The following CACNG5 variants were observed in gnomAD, a reference collection of about 807,000 sequenced individuals.
The protein encoded by CACNG5 is calcium voltage-gated channel auxiliary subunit gamma 5.
CACNG5 carries 18 observed loss-of-function variants against 24.8 expected under a neutral mutation model. The ratio of observed to expected loss-of-function variants is 0.73; its 90% CI spans 0.50 to 1.08. CACNG5 has a LOEUF of 1.08. Ranked by LOEUF, CACNG5 falls within the 50% of genes least tolerant of loss-of-function variation. The pLI, the probability that CACNG5 is intolerant of heterozygous loss-of-function variation, is 0.00. For missense variants in CACNG5, 349 were observed against 367.9 expected (o/e 0.95, Z 0.42); for synonymous variants, 157 against 149.1 (o/e 1.05, Z -0.39).
Position 66,877,244 on chromosome 17 carries a change from C to A in CACNG5, c.-89C>A. ...CGTCTTCTCAGAGCCGTGGGTACTG[C>A]CACCTGCTCACCCACTCTCCCTAGC... On this transcript the variant is annotated 5_prime_UTR_variant, in exon 2 of 6. Transcript: ENST00000533854. 1.8e-6 allele frequency: 2 copies of A among 1,119,762 alleles called. No individual in the cohort carries two copies. The highest frequency in any genetic ancestry group is 2.6e-6 in the Non-Finnish European group (2 of 768,858). The allele number at this position is 1,119,762 out of a possible 1,614,324, so 69.4% of individuals were successfully genotyped here.
rs964516436 is a variant in CACNG5 at position 66,886,496 on chromosome 17, T to G, written c.*1256T>G. Among the ~76,000 whole-genome samples, 1 of 152,212 alleles carries G rather than the reference T, an allele frequency of 6.6e-6. No individual in the cohort carries two copies. Among genetic ancestry groups the G allele is most frequent in the Non-Finnish European group, 1.5e-5 (1 of 68,028 alleles). The stretch of plus-strand genomic sequence containing the variant: ...CCCTCCGTAAGTCCACAGAAGCCAC[T>G]GCAAGCCATGCCCCCCTTCAGCTCT... On this transcript the variant is annotated 3_prime_UTR_variant, in exon 6 of 6. Transcript: ENST00000533854.
Position 66,859,049 on chromosome 17 carries a change from C to T in CACNG5, c.-103-18181C>T, listed in dbSNP as rs75502010. ...GGGCTTCCTCACTCGTAGGGACATG[C>T]TCCAACCCAGGCAGCCAGGCGCTCA... On this transcript the variant is annotated intron_variant, in intron 1 of 5. Coordinates refer to ENST00000533854, the MANE Select transcript of CACNG5 (RefSeq NM_145811.3). Among the ~76,000 whole-genome samples, 666 of 152,316 alleles carry T rather than the reference C, an allele frequency of 4.4e-3. 5 individuals carry two copies. The highest frequency in any genetic ancestry group is 0.015 in the African/African-American group (619 of 41,578).
At chr17:66,853,513 G>T (rs1192436831) in intron 1 of CACNG5, among the ~76,000 whole-genome samples, 1 of 152,112 alleles carries the variant, frequency 6.6e-6, no homozygotes, top group Admixed American at 6.5e-5. Flanking sequence ...ATTTAGTATG[G>T]CCAATCTTTT....
At chr17:66,878,011 C>T (rs887970118) in intron 2 of CACNG5, among the ~76,000 whole-genome samples, 2 of 152,216 alleles carry the variant, frequency 1.3e-5, no homozygotes, top group African/African-American at 4.8e-5. Flanking sequence ...TTAGAAAATA[C>T]TTGGCAGTTT....
chr17:66,852,675 G>C (rs34176969), intron 1 of CACNG5, among the ~76,000 whole-genome samples: 21,895 of 152,008 alleles, frequency 0.14, 1,896 homozygotes, highest in East Asian at 0.38. Context: ...CAATCACCTC[G>C]AAAAAGTATC....
At position 66,885,744 on chromosome 17, in the gene CACNG5, A is replaced by T. The variant is rs560542449; in HGVS notation, c.*504A>T. On this transcript the variant is annotated 3_prime_UTR_variant, in exon 6 of 6. Coordinates refer to ENST00000533854, the MANE Select transcript of CACNG5 (RefSeq NM_145811.3). ...ATATAGAGGTCTGGCTGACTTAGAC[A>T]TGTCAAGCTGTCAGTGTTCCTTCTG... 4.6e-5 allele frequency among the ~76,000 whole-genome samples: 7 copies of T among 152,216 alleles called. No homozygotes were observed. The highest frequency in any genetic ancestry group is 1.0e-4 in the Non-Finnish European group (7 of 68,042).
intron 1 of CACNG5, among the ~76,000 whole-genome samples, chr17:66,868,762 C>A (rs1598056304): frequency 6.6e-6 from 1 of 152,238 alleles, no homozygotes; most frequent in East Asian, 1.9e-4. Context: ...CATATTTATT[C>A]TTTGTCTACT....
At position 66,886,061 on chromosome 17, in the gene CACNG5, A is replaced by T. The variant is rs911616465; in HGVS notation, c.*821A>T. On this transcript the variant is annotated 3_prime_UTR_variant, in exon 6 of 6. Coordinates refer to ENST00000533854, the MANE Select transcript of CACNG5 (RefSeq NM_145811.3). The stretch of plus-strand genomic sequence containing the variant: ...CTGATTCTGACAATGAGAATTTTAG[A>T]ATCGGGCTGGTCTGAGTTCCTATTA... 6.6e-6 allele frequency among the ~76,000 whole-genome samples: 1 copy of T among 152,246 alleles called. No homozygotes were observed. Among genetic ancestry groups the T allele is most frequent in the African/African-American group, 2.4e-5 (1 of 41,470 alleles).
rs768550812 is a variant in CACNG5, at chr17:66,891,640, G to GT, written c.*6402dup. Reference sequence around the variant, plus strand: ...TGCCTTTCTGGAAGCAGCCTTTGAAGTTACCTGATGTCATTTCCATCATAA... The same window carrying GT: ...TGCCTTTCTGGAAGCAGCCTTTGAAGTTTACCTGATGTCATTTCCATCATAA... On this transcript the variant is annotated 3_prime_UTR_variant, in exon 6 of 6. Coordinates refer to ENST00000533854, the MANE Select transcript of CACNG5 (RefSeq NM_145811.3). Among the ~76,000 whole-genome samples the GT allele has an allele frequency of 7.2e-5, 11 of 152,206 alleles. No homozygotes were observed. Among genetic ancestry groups the GT allele is most frequent in the Admixed American group, 1.3e-4 (2 of 15,280 alleles).
At chr17:66,861,931 G>A (rs1976866601) in intron 1 of CACNG5, among the ~76,000 whole-genome samples, 1 of 152,236 alleles carries the variant, frequency 6.6e-6, no homozygotes, top group South Asian at 2.1e-4. Flanking sequence ...TCTAAAGGGT[G>A]TTTTGCTTTC....
intron 1 of CACNG5, among the ~76,000 whole-genome samples, chr17:66,851,405 G>A (rs1976708404): frequency 6.6e-6 from 1 of 152,184 alleles, no homozygotes; most frequent in Non-Finnish European, 1.5e-5. Context: ...CTGAAGATGA[G>A]CTCACAATAA....
At chr17:66,866,447 T>G (rs1976931791) in intron 1 of CACNG5, among the ~76,000 whole-genome samples, 1 of 152,184 alleles carries the variant, frequency 6.6e-6, no homozygotes, top group African/African-American at 2.4e-5. Context: ...TTTTATTTTA[T>G]TTTTAAATTT....
At position 66,884,582 on chromosome 17, in the gene CACNG5, C is replaced by T. The variant is rs777646433; in HGVS notation, c.491C>T (p.Thr164Ile). 2 of 1,613,998 alleles carry T rather than the reference C, an allele frequency of 1.2e-6. No homozygotes were observed. The highest frequency in any genetic ancestry group is 1.7e-6 in the Non-Finnish European group (2 of 1,180,026). Reference protein sequence around the residue: ...SSINDEMLNRTKDAETYFNYK... With the variant: ...SSINDEMLNRIKDAETYFNYK... ...ATCAACGATGAGATGCTCAACAGGACCAAGGATGCAGAGACCTACTTCAAC... is the reference window on the plus strand; with the variant it reads ...ATCAACGATGAGATGCTCAACAGGATCAAGGATGCAGAGACCTACTTCAAC... The change falls in exon 5 of 6, where the codon ACC (threonine) becomes ATC (isoleucine). Residue 164 changes from threonine to isoleucine, a missense_variant. Physicochemically the swap from Thr to Ile is moderately conservative, Grantham distance 89. Transcript: ENST00000533854.
chr17:66,878,117 G>C (rs1299906572), intron 2 of CACNG5, among the ~76,000 whole-genome samples: 2 of 152,154 alleles, frequency 1.3e-5, no homozygotes, highest in Non-Finnish European at 2.9e-5. Flanking sequence ...CACTTATCTG[G>C]GCCTACCTTT....
intron 2 of CACNG5, among the ~76,000 whole-genome samples, 183 bp from the exon 3 acceptor site, chr17:66,878,789 G>A (rs7219744): frequency 0.03 from 4,525 of 152,258 alleles, 255 homozygotes; most frequent in African/African-American, 0.1. Context: ...GTCAGGACGT[G>A]CCTCCACCCC....
intron 2 of CACNG5, among the ~76,000 whole-genome samples, chr17:66,877,983 C>A (rs1977107206): frequency 6.6e-6 from 1 of 152,244 alleles, no homozygotes; most frequent in African/African-American, 2.4e-5. Context: ...AGCTTCCTTG[C>A]ATCCACTAGT....
chr17:66,845,042 C>A (rs575594558), intron 1 of CACNG5, among the ~76,000 whole-genome samples: 3 of 152,262 alleles, frequency 2.0e-5, no homozygotes, highest in Non-Finnish European at 4.4e-5. Flanking sequence ...TGGAACCAAC[C>A]CAAATGCCTA....
At chr17:66,874,691 T>G (rs1307683197) in intron 1 of CACNG5, among the ~76,000 whole-genome samples, 1 of 152,140 alleles carries the variant, frequency 6.6e-6, no homozygotes, top group Non-Finnish European at 1.5e-5. Flanking sequence ...GGATCAAATT[T>G]CAACATGAGC....
chr17:66,862,892 C>CTCTCTCTGTGTG (rs567913804), intron 1 of CACNG5, among the ~76,000 whole-genome samples: 7 of 142,172 alleles, frequency 4.9e-5, no homozygotes, highest in East Asian at 2.0e-4. Context: ...AGCATATTCT[C>CTCTCTCTGTGTG]TGTGTGTGTG....
Sources: gnomAD v4.1 joint callset for allele counts (sites outside exome capture counted in the v4.1 genomes callset) on GRCh38, gnomAD v4.1.1 for gene constraint, MANE v1.5 for transcripts, NCBI Gene and HGNC (gene_info 2026-07-23, HGNC 2026-07-21) for gene names.